Variants in CDC123 observed in about 807,000 individuals in gnomAD.
The protein encoded by CDC123 is translation initiation factor eIF2 assembly protein.
CDC123 carries 37 observed loss-of-function variants against 54.4 expected under a neutral mutation model. The ratio of observed to expected loss-of-function variants is 0.68; its 90% confidence interval spans 0.52 to 0.89. The LOEUF (loss-of-function observed/expected upper bound fraction) is 0.89, where lower values mean the gene tolerates loss of function less well. Ranked by LOEUF, CDC123 falls within the 40% of genes least tolerant of loss-of-function variation. The pLI is 0.00. For synonymous variants in CDC123, 144 were observed against 136.8 expected (o/e 1.05, Z -0.37); for missense variants, 361 against 412.1 (o/e 0.88, Z 1.07).
At chr10:12,223,037 G>C (rs921294177) in intron 6 of CDC123, among the ~76,000 whole-genome samples, 8 of 151,794 alleles carry the variant, frequency 5.3e-5, no homozygotes, top group African/African-American at 1.9e-4. Flanking sequence ...GACTACAGGC[G>C]CCTGCCACCA....
chr10:12,210,064 T>C, intron 3 of CDC123, 40 bp downstream of exon 3: 3 of 1,594,250 alleles, frequency 1.9e-6, no homozygotes, highest in Non-Finnish European at 2.6e-6. Context: ...TAGACTGTTG[T>C]AATTTAAATG....
chr10:12,206,678 G>T (rs1040633152), intron 2 of CDC123, among the ~76,000 whole-genome samples: 1 of 152,172 alleles, frequency 6.6e-6, no homozygotes, highest in Non-Finnish European at 1.5e-5. Flanking sequence ...TGGGCATGAG[G>T]TCAGATGCGG....
chr10:12,225,740 T>G (rs939279951), intron 6 of CDC123, among the ~76,000 whole-genome samples: 3 of 128,766 alleles, frequency 2.3e-5, no homozygotes, highest in African/African-American at 8.7e-5. Context: ...TTTTTCTAGC[T>G]TCTCTCTTTT....
chr10:12,237,388 A>G (rs1015049172), intron 9 of CDC123, 122 bp downstream of exon 9: 32 of 712,256 alleles, frequency 4.5e-5, no homozygotes, highest in Admixed American at 3.0e-4. Context: ...GCATTTTACT[A>G]TATTATTATT....
chr10:12,199,020 A>G, intron 2 of CDC123: 1 of 360,196 alleles, frequency 2.8e-6, no homozygotes, highest in South Asian at 3.9e-5. Context: ...TCTTTAGAAA[A>G]CAGTTATGAT....
intron 2 of CDC123, among the ~76,000 whole-genome samples, chr10:12,200,143 T>A (rs549832227): frequency 9.5e-5 from 13 of 136,786 alleles, no homozygotes; most frequent in Non-Finnish European, 1.4e-4. Flanking sequence ...TTTTTTTTTT[T>A]AAAGATGGAG....
chr10:12,209,236 A>C (rs1215709041), intron 2 of CDC123, among the ~76,000 whole-genome samples: 2 of 151,434 alleles, frequency 1.3e-5, no homozygotes, highest in Non-Finnish European at 1.5e-5. Context: ...ACTCTCATTT[A>C]TTTATTTCTT....
chr10:12,243,286 T>C (rs557494974), intron 10 of CDC123, among the ~76,000 whole-genome samples: 1 of 151,440 alleles, frequency 6.6e-6, no homozygotes, highest in African/African-American at 2.4e-5. Flanking sequence ...TAGTCCCAGC[T>C]ACTTAGGAGG....
chr10:12,226,412 C>T (rs866659564), intron 6 of CDC123, among the ~76,000 whole-genome samples: 6 of 152,078 alleles, frequency 3.9e-5, no homozygotes, highest in Middle Eastern at 6.9e-3. Flanking sequence ...TCTCCCCCAC[C>T]TCCTGGAGGG....
rs746370567 is a variant in CDC123, at chr10:12,246,229, T to C, written c.798T>C (p.Ser266=). The C allele has an allele frequency of 3.3e-5, 53 of 1,614,060 alleles. No individual in the cohort carries two copies. The highest frequency in any genetic ancestry group is 3.7e-5 in the Non-Finnish European group (44 of 1,180,028). Residue 266 remains serine, a synonymous_variant, in exon 11 of 13, where the codon TCT becomes TCC. Transcript: ENST00000281141. ...SLLFTWEELI[S]ENNLNGDFSE... is the part of the protein sequence containing the mutation. ...TGTTCACCTGGGAAGAACTGATATC[T>C]GAGAACAACTTAAACGGCGATTTTA...
chr10:12,198,413 T>A (rs1207775613), intron 1 of CDC123, among the ~76,000 whole-genome samples: 1 of 152,208 alleles, frequency 6.6e-6, no homozygotes, highest in Non-Finnish European at 1.5e-5. Context: ...CACATAAATG[T>A]TGTGCTCACT....
At chr10:12,240,175 T>G (rs902678009) in intron 10 of CDC123, among the ~76,000 whole-genome samples, 1 of 152,196 alleles carries the variant, frequency 6.6e-6, no homozygotes, top group Non-Finnish European at 1.5e-5. Context: ...CTAGTAAAGT[T>G]ACTTACTGCT....
intron 7 of CDC123, among the ~76,000 whole-genome samples, chr10:12,231,462 TA>T (rs1273520823): frequency 6.6e-6 from 1 of 151,904 alleles, no homozygotes; most frequent in African/African-American, 2.4e-5. Context: ...GCATCTCTAC[TA>T]AAAATACAAA....
intron 7 of CDC123, among the ~76,000 whole-genome samples, chr10:12,233,067 C>G (rs1385121920): frequency 6.6e-6 from 1 of 152,122 alleles, no homozygotes; most frequent in Non-Finnish European, 1.5e-5. Flanking sequence ...GAGGCACAGT[C>G]TTTCTTAAGA....
At chr10:12,228,409 GT>G (rs34629160) in intron 6 of CDC123, among the ~76,000 whole-genome samples, 108,020 of 137,800 alleles carry the variant, frequency 0.78, 44,799 homozygotes, top group Non-Finnish European at 0.94. Flanking sequence ...GTTGTTTTTA[GT>G]TTTTTTTTTT....
At chr10:12,208,284 C>T (rs1366639183) in intron 2 of CDC123, among the ~76,000 whole-genome samples, 1 of 152,038 alleles carries the variant, frequency 6.6e-6, no homozygotes, top group Non-Finnish European at 1.5e-5. Context: ...GAGGAGGGGC[C>T]AGAGTGGTGT....
intron 2 of CDC123, among the ~76,000 whole-genome samples, chr10:12,206,656 A>G (rs1047707513): frequency 1.3e-5 from 2 of 152,170 alleles, no homozygotes; most frequent in Non-Finnish European, 2.9e-5. Flanking sequence ...TAGTAAAAAT[A>G]CAAAAATTAT....
intron 7 of CDC123, among the ~76,000 whole-genome samples, chr10:12,234,829 C>G (rs1835957953): frequency 6.8e-6 from 1 of 147,736 alleles, no homozygotes; most frequent in South Asian, 2.1e-4. Flanking sequence ...TCTTGGCTCT[C>G]TGCAACCTCC....
chr10:12,210,092 G>T, intron 3 of CDC123, 68 bp downstream of exon 3: 1 of 1,545,770 alleles, frequency 6.5e-7, no homozygotes, highest in South Asian at 1.1e-5. Context: ...AGATGGTTCT[G>T]ACTTGTAGAT....
Sources: gnomAD v4.1 joint callset for allele counts (sites outside exome capture counted in the v4.1 genomes callset) on GRCh38, gnomAD v4.1.1 for gene constraint, MANE v1.5 for transcripts, NCBI Gene and HGNC (gene_info 2026-07-23, HGNC 2026-07-21) for gene names.